The following LAMB2 variants were observed in gnomAD, a reference collection of about 807,000 sequenced individuals.
The protein encoded by LAMB2 is laminin subunit beta 2.
LAMB2 carries 119 observed loss-of-function variants against 202.7 expected under a neutral mutation model. That is an observed-to-expected ratio of 0.59 (90% CI 0.51 to 0.68). The LOEUF is 0.68. Among genes scored for constraint, LAMB2 ranks in the 30% least tolerant of loss-of-function variants. The pLI is 0.00. For missense variants in LAMB2, 2,124 were observed against 2,410.6 expected, an observed-to-expected ratio of 0.88 and a Z score of 2.49; for synonymous variants, 818 against 902.2, an observed-to-expected ratio of 0.91 and a Z score of 1.67.
In LAMB2 at chr3:49,129,102, C is replaced by T. The variant is rs1336539485; in HGVS notation, c.1649G>A (p.Arg550Gln). 5.6e-6 allele frequency: 9 copies of T among 1,613,888 alleles called. No individual in the cohort carries two copies. Among genetic ancestry groups the T allele is most frequent in the African/African-American group, 2.7e-5 (2 of 74,928 alleles). Reference sequence around the variant, plus strand: ...GCCAGGTTGCACCTGCTCACAGCGTCGCCCAACCATGTGCTGGCGGCAGTG... The same window carrying T: ...GCCAGGTTGCACCTGCTCACAGCGTTGCCCAACCATGTGCTGGCGGCAGTG... ...QCHCRQHMVGRRCEQVQPGYF... is the reference protein window; with the variant it reads ...QCHCRQHMVGQRCEQVQPGYF... Residue 550 changes from arginine to glutamine, a missense_variant, in exon 13 of 32, where the codon CGA becomes CAA. Around this residue, in one of 3 missense-constraint regions of LAMB2, gnomAD observed 1,702 missense variants for 1,896.3 expected, o/e 0.90. Coordinates refer to ENST00000305544, the MANE Select transcript of LAMB2 (RefSeq NM_002292.4). The surrounding 1 kb of genome is among the most constrained non-coding windows in gnomAD (Gnocchi z 6.1).
In LAMB2 at chr3:49,125,730, A is replaced by G; in HGVS notation, c.2488+17T>C. 2 of 1,612,482 alleles carry G rather than the reference A, an allele frequency of 1.2e-6. No individual in the cohort carries two copies. The highest frequency in any genetic ancestry group is 2.2e-5 in the East Asian group (1 of 44,820). ...AGGAGAGAGAAGCATAGGAGGGAACAAGGGGCAGAAGAGTACCTTGACAGC... is the reference window on the plus strand; with the variant it reads ...AGGAGAGAGAAGCATAGGAGGGAACGAGGGGCAGAAGAGTACCTTGACAGC... On this transcript the variant is annotated intron_variant, in intron 18 of 31. Transcript: ENST00000305544.
At chr3:49,121,387 G>C in intron 31 of LAMB2, 25 bp from the exon 32 acceptor site, 3 of 1,614,002 alleles carry the variant, frequency 1.9e-6, no homozygotes, top group Non-Finnish European at 1.7e-6. Flanking sequence ...TGTCAGTTTA[G>C]GGGGGGTTTC....
Position 49,128,580 on chromosome 3 carries a change from A to G in LAMB2, c.1896T>C (p.Pro632=). The change falls in exon 15 of 32, where the codon CCT becomes CCC. Residue 632 remains proline, a synonymous_variant. Transcript: ENST00000305544. The part of the protein sequence containing the change: ...DLLLRLEPQV[P]EQWAELELIV... ...TCAGTTCCAACTCTGCCCATTGCTCAGGGACCTGGGAAAACGGGATGATGG... is the reference window on the plus strand; with the variant it reads ...TCAGTTCCAACTCTGCCCATTGCTCGGGGACCTGGGAAAACGGGATGATGG... The G allele has an allele frequency of 3.1e-6, 5 of 1,614,262 alleles. No homozygotes were observed. Among genetic ancestry groups the G allele is most frequent in the Non-Finnish European group, 4.2e-6 (5 of 1,180,048 alleles).
Position 49,131,337 on chromosome 3 carries a change from C to T in LAMB2, c.712+42G>A. The T allele has an allele frequency of 6.2e-7, 1 of 1,604,398 alleles. No individual in the cohort carries two copies. On this transcript the variant is annotated intron_variant, in intron 6 of 31. Coordinates refer to ENST00000305544, the MANE Select transcript of LAMB2 (RefSeq NM_002292.4). This position sits in a 1 kb window ranked among gnomAD's most constrained non-coding sequence, Gnocchi z 5.0. ...TACTGAGGCCCCAAATAGTCCCTAG[C>T]CGGACACGGACTGTGCCAGACTCAA...
In LAMB2 at chr3:49,126,425, C is replaced by G; in HGVS notation, c.2091G>C (p.Arg697=). Residue 697 remains arginine, a synonymous_variant, in exon 16 of 32, where the codon CGG becomes CGC. Coordinates refer to ENST00000305544, the MANE Select transcript of LAMB2 (RefSeq NM_002292.4). The stretch of plus-strand genomic sequence containing the variant: ...TCTCAGGCTGGGCACTTCCCCCTGT[C>G]CGTACCAGCTTCAGATGCAGCTTGT... ...ISYKLHLKLV[R]TGGSAQPETP... 6.2e-7 allele frequency: 1 copy of G among 1,614,192 alleles called. No homozygotes were observed. The highest frequency in any genetic ancestry group is 8.5e-7 in the Non-Finnish European group (1 of 1,180,034).
At chr3:49,128,199 A>ATAGTGAC (rs888738871) in intron 15 of LAMB2, among the ~76,000 whole-genome samples, 2 of 152,122 alleles carry the variant, frequency 1.3e-5, no homozygotes, top group African/African-American at 4.8e-5. Flanking sequence ...GACCCTCCTG[A>ATAGTGAC]TAGTGACACC....
chr3:49,127,928 G>A (rs2045435375), intron 15 of LAMB2, among the ~76,000 whole-genome samples: 1 of 145,404 alleles, frequency 6.9e-6, no homozygotes, highest in Non-Finnish European at 1.5e-5. Flanking sequence ...GCTGACACAT[G>A]AGAATTGCTT....
intron 13 of LAMB2, 79 bp downstream of exon 13, chr3:49,128,941 T>C: frequency 6.2e-7 from 1 of 1,601,134 alleles, no homozygotes. Context: ...CTCAACAAGG[T>C]ACTGCCCATA....
In LAMB2 at chr3:49,121,965, G is replaced by A. The variant is rs748286929; in HGVS notation, c.4902C>T (p.Asp1634=). The A allele has an allele frequency of 1.2e-6, 2 of 1,613,884 alleles. No homozygotes were observed. The highest frequency in any genetic ancestry group is 2.2e-5 in the East Asian group (1 of 44,902). The change falls in exon 29 of 32, where the codon GAC becomes GAT. Residue 1634 remains aspartate (D), a synonymous_variant. Transcript: ENST00000305544. ...AIRGAVADTR[D]TEQTLYQVQE... ...TCACCTGGTACAGGGTCTGCTCTGT[G>A]TCCCGTGTGTCAGCCACTGCCCCCC... is the stretch of plus-strand genomic sequence containing the variant.
In LAMB2 at chr3:49,124,524, T is replaced by C. The variant is rs886058673; in HGVS notation, c.3198A>G (p.Pro1066=). 18 of 1,613,740 alleles carry C rather than the reference T, an allele frequency of 1.1e-5. No homozygotes were observed. Among genetic ancestry groups the C allele is most frequent in the Non-Finnish European group, 1.4e-5 (17 of 1,179,974 alleles). ...TAGGGCCCTGGACATTGGGGAGGCA[T>C]GGGCACTGCCCACTGCTTGGATCAC... ...CHCDPSSGQC[P]CLPNVQGPSC... Residue 1066 remains proline (P), a synonymous_variant, in exon 22 of 32, where the codon CCA becomes CCG. Coordinates refer to ENST00000305544, the MANE Select transcript of LAMB2 (RefSeq NM_002292.4).
rs1410343949 is a variant in LAMB2 at position 49,130,787 on chromosome 3, T to A, written c.989A>T (p.Asp330Val). ...GTCCTCAGCCGGACGCCAGGGCAGG[T>A]CACGATAGAAATCCTGACACTGCTC... ...NCEQCQDFYR[D>V]LPWRPAEDGH... is the part of the protein sequence containing the mutation. Residue 330 changes from aspartate (D) to valine (V), a missense_variant, in exon 8 of 32, where the codon GAC becomes GTC. Physicochemically the swap from Asp to Val is radical, Grantham distance 152. Transcript: ENST00000305544. This position sits in a 1 kb window ranked among gnomAD's most constrained non-coding sequence, Gnocchi z 5.0. The A allele has an allele frequency of 6.2e-7, 1 of 1,614,070 alleles. No homozygotes were observed. The highest frequency in any genetic ancestry group is 1.7e-5 in the Admixed American group (1 of 60,018).
chr3:49,121,734 C>T lies in LAMB2; in HGVS notation c.5050G>A (p.Ala1684Thr), dbSNP rs769518568. 13 of 1,613,926 alleles carry T rather than the reference C, an allele frequency of 8.1e-6. 1 individual carries two copies. The Admixed American group carries it at 2.2e-4, about 27-fold the overall frequency. ...TGGGCACTGCCTGCCGTTTCTTCTG[C>T]TGTAGAGGCTGCCAGACTATTTCCT... ...RAGNSLAAST[A>T]EETAGSAQGR... The change falls in exon 30 of 32, where the codon GCA becomes ACA. Residue 1684 changes from alanine to threonine, a missense_variant. Ala to Thr is a moderately conservative substitution (Grantham distance 58, BLOSUM62 0). Transcript: ENST00000305544.
chr3:49,126,812 G>C (rs573289989), intron 15 of LAMB2, among the ~76,000 whole-genome samples: 1 of 152,068 alleles, frequency 6.6e-6, no homozygotes, highest in East Asian at 1.9e-4. Context: ...CTCTGACCCC[G>C]ACCTACAACC....
Position 49,132,093 on chromosome 3 carries a change from C to T in LAMB2, c.459+23G>A. The T allele has an allele frequency of 1.2e-6, 2 of 1,610,382 alleles. No homozygotes were observed. Among genetic ancestry groups the T allele is most frequent in the Non-Finnish European group, 1.7e-6 (2 of 1,176,656 alleles). On this transcript the variant is annotated intron_variant, in intron 4 of 31. Transcript: ENST00000305544. The surrounding 1 kb of genome is among the most constrained non-coding windows in gnomAD (Gnocchi z 4.6). ...GGAGAGCCAAGCAGGGTGATTCGGGCAGGCTCCCAGATATGCAGGCACCTT... is the reference window on the plus strand; with the variant it reads ...GGAGAGCCAAGCAGGGTGATTCGGGTAGGCTCCCAGATATGCAGGCACCTT...
chr3:49,124,613 C>T lies in LAMB2; in HGVS notation c.3110-1G>A. 1 of 1,613,642 alleles carries T rather than the reference C, an allele frequency of 6.2e-7. No homozygotes were observed. Among genetic ancestry groups the T allele is most frequent in the Non-Finnish European group, 8.5e-7 (1 of 1,179,872 alleles). On this transcript the variant is annotated splice_acceptor_variant, in intron 21 of 31. Transcript: ENST00000305544. LOFTEE classifies it high-confidence loss of function. ...GTGCCCAGCAGGTTGCATGTGCAGC[C>T]TGTGCCAACCAAGATGAGCACAGTA...
Position 49,128,716 on chromosome 3 carries a change from A to C in LAMB2, c.1835T>G (p.Val612Gly). 1 of 1,614,146 alleles carries C rather than the reference A, an allele frequency of 6.2e-7. No homozygotes were observed. The highest frequency in any genetic ancestry group is 1.1e-5 in the South Asian group (1 of 91,090). The change falls in exon 14 of 32, where the codon GTG (valine) becomes GGG (glycine). Residue 612 changes from valine (V) to glycine (G), a missense_variant. Transcript: ENST00000305544. ...GTCCATAGCCTTCGGCACAGAGGCC[A>C]CCAGGAACTCCAGGGTCTGACCTTC... is the stretch of plus-strand genomic sequence containing the variant. Reference protein sequence around the residue: ...LQEGQTLEFLVASVPKAMDYD... With the variant: ...LQEGQTLEFLGASVPKAMDYD...
At position 49,121,635 on chromosome 3, in the gene LAMB2, G is replaced by A. The variant is rs1012274525; in HGVS notation, c.5101-43C>T. ...TAGGTTAGCGTGGTAGCTCAGTGGA[G>A]GCCCATCTTCCACCCCTACCTTCTC... On this transcript the variant is annotated intron_variant, in intron 30 of 31. Transcript: ENST00000305544. 3.7e-6 allele frequency: 6 copies of A among 1,613,856 alleles called. No homozygotes were observed. In the African/African-American group the frequency reaches 8.0e-5, roughly 22 times the overall value.
Position 49,128,665 on chromosome 3 carries a change from G to A in LAMB2, c.1886C>T (p.Pro629Leu), listed in dbSNP as rs148491867. ...GATTAGATAACAGGGTCTAACCTGG[G>A]GCTCTAAGCGCAGCAGCAGGTCATA... ...MDYDLLLRLE[P>L]QVPEQWAELE... The change falls in exon 14 of 32, where the codon CCC (proline) becomes CTC (leucine). Residue 629 changes from proline to leucine, a missense_variant. By Grantham distance (98) the Pro-to-Leu change is moderately conservative. Around this residue, in one of 3 missense-constraint regions of LAMB2, gnomAD observed 1,702 missense variants for 1,896.3 expected, o/e 0.90. Transcript: ENST00000305544. 362 of 1,614,030 alleles carry A rather than the reference G, an allele frequency of 2.2e-4. No individual in the cohort carries two copies. Among genetic ancestry groups the A allele is most frequent in the Non-Finnish European group, 2.6e-4 (304 of 1,180,026 alleles).
intron 15 of LAMB2, 80 bp from the exon 16 acceptor site, chr3:49,126,577 C>T: frequency 6.3e-7 from 1 of 1,587,992 alleles, no homozygotes; most frequent in Non-Finnish European, 8.6e-7. Flanking sequence ...ATCCTTCTCC[C>T]AGCAACCAGG....
Sources: gnomAD v4.1 joint callset for allele counts (sites outside exome capture counted in the v4.1 genomes callset) on GRCh38, gnomAD v4.1.1 for gene constraint, gnomAD v4.1.1 regional missense constraint, Gnocchi (gnomAD v3.1) non-coding constraint, MANE v1.5 for transcripts, NCBI Gene and HGNC (gene_info 2026-07-23, HGNC 2026-07-21) for gene names.